RECK: variants seen among roughly 807,000 people sequenced by gnomAD.
The protein encoded by RECK is reversion inducing cysteine rich protein with kazal motifs.
RECK carries 69 observed loss-of-function variants against 115.1 expected under a neutral mutation model. That is an observed-to-expected ratio of 0.60 (90% CI 0.49 to 0.73). The LOEUF (loss-of-function observed/expected upper bound fraction) is 0.73, where lower values mean the gene tolerates loss of function less well. Ranked by LOEUF, RECK falls within the 30% of genes least tolerant of loss-of-function variation. RECK has a pLI of 0.00. For synonymous variants in RECK, 414 were observed against 419.7 expected (o/e 0.99, Z 0.17); for missense variants, 1,047 against 1,203.7 (o/e 0.87, Z 1.93).
At chr9:36,039,144 A>G (rs749541058) in intron 1 of RECK, among the ~76,000 whole-genome samples, 15 of 144,636 alleles carry the variant, frequency 1.0e-4, no homozygotes, top group Non-Finnish European at 1.8e-4. Context: ...TCATGACAAC[A>G]TATAGTTTGC....
At chr9:36,081,327 C>T (rs1822680517) in intron 7 of RECK, among the ~76,000 whole-genome samples, 2 of 152,184 alleles carry the variant, frequency 1.3e-5, no homozygotes, top group African/African-American at 2.4e-5. Flanking sequence ...TCTATCCTTT[C>T]TAACTGAGGC....
intron 16 of RECK, among the ~76,000 whole-genome samples, chr9:36,113,642 AG>A (rs1824148478): frequency 6.6e-6 from 1 of 152,234 alleles, no homozygotes; most frequent in South Asian, 2.1e-4. Context: ...TGAAAAATTC[AG>A]CTACATGAAC....
chr9:36,108,327 CTTT>C, intron 14 of RECK, among the ~76,000 whole-genome samples, 163 bp downstream of exon 14: 4 of 152,240 alleles, frequency 2.6e-5, no homozygotes, highest in Admixed American at 2.6e-4. Flanking sequence ...CTAAGGAAGT[CTTT>C]AGAAGTCCCC....
In RECK at chr9:36,105,147, A is replaced by G; in HGVS notation, c.1440A>G (p.Pro480=). 1 of 1,613,888 alleles carries G rather than the reference A, an allele frequency of 6.2e-7. No individual in the cohort carries two copies. The highest frequency in any genetic ancestry group is 8.5e-7 in the Non-Finnish European group (1 of 1,179,898). The change falls in exon 13 of 21, where the codon CCA becomes CCG. Residue 480 remains proline, a synonymous_variant. Coordinates refer to ENST00000377966, the MANE Select transcript of RECK (RefSeq NM_021111.3). ...AATCTGTTTTGGTTTTTTCAGGGCC[A>G]AGTACTTTAGGTAACATTGTAGAAG... ...NCIPLDTYLR[P]STLGNIVEEV...
At chr9:36,074,492 T>C (rs988359694) in intron 6 of RECK, among the ~76,000 whole-genome samples, 9 of 152,162 alleles carry the variant, frequency 5.9e-5, no homozygotes, top group African/African-American at 1.9e-4. Context: ...CTAGAATGTA[T>C]TGGAGCCTGG....
Position 36,091,017 on chromosome 9 carries a change from A to G in RECK, c.906-147A>G, listed in dbSNP as rs1014598920. 1.3e-5 allele frequency: 8 copies of G among 594,164 alleles called. No homozygotes were observed. In the African/African-American group the frequency reaches 1.6e-4, roughly 12 times the overall value. The allele number at this position is 594,164 out of a possible 1,614,324, so 36.8% of individuals were successfully genotyped here. A position where few individuals can be genotyped will look rare whatever the true frequency, so the allele number is the denominator to read the frequency against. ...AAAACAATCAACTTTTTCTGGCTCTAGTTTCTAGGAAATAGTCATTTGGTT... is the reference window on the plus strand; with the variant it reads ...AAAACAATCAACTTTTTCTGGCTCTGGTTTCTAGGAAATAGTCATTTGGTT... On this transcript the variant is annotated intron_variant, in intron 9 of 20. Coordinates refer to ENST00000377966, the MANE Select transcript of RECK (RefSeq NM_021111.3).
chr9:36,086,420 G>T (rs1032092461), intron 8 of RECK, among the ~76,000 whole-genome samples: 1 of 151,780 alleles, frequency 6.6e-6, no homozygotes, highest in East Asian at 1.9e-4. Context: ...CAGTGGGTTC[G>T]TGGTCTCGCT....
At chr9:36,084,449 C>A (rs1822862325) in intron 8 of RECK, among the ~76,000 whole-genome samples, 1 of 151,938 alleles carries the variant, frequency 6.6e-6, no homozygotes, top group Non-Finnish European at 1.5e-5. Flanking sequence ...AATCCCAGCA[C>A]TTTGGGAGGC....
At chr9:36,092,542 A>ATTTTTTTTT (rs71508011) in intron 10 of RECK, among the ~76,000 whole-genome samples, 133 of 117,000 alleles carry the variant, frequency 1.1e-3, no homozygotes, top group Non-Finnish European at 1.9e-3. Flanking sequence ...CACCCAGCTA[A>ATTTTTTTTT]TTTTTTTTTT....
intron 6 of RECK, among the ~76,000 whole-genome samples, chr9:36,077,967 G>A (rs1259130397): frequency 6.6e-6 from 1 of 152,080 alleles, no homozygotes; most frequent in Non-Finnish European, 1.5e-5. Context: ...CAGGTACTTG[G>A]GAGGCAGCAG....
At chr9:36,064,331 C>T (rs1821904594) in intron 5 of RECK, among the ~76,000 whole-genome samples, 4 of 152,184 alleles carry the variant, frequency 2.6e-5, no homozygotes, top group Admixed American at 2.6e-4. Context: ...GAATCTGACT[C>T]ATACACTGAG....
intron 11 of RECK, 114 bp from the exon 12 acceptor site, chr9:36,101,980 A>C: frequency 2.0e-6 from 2 of 1,003,886 alleles, no homozygotes; most frequent in South Asian, 3.4e-5. Flanking sequence ...CTCTTTTGAA[A>C]CATGTTAAGT....
intron 8 of RECK, among the ~76,000 whole-genome samples, chr9:36,087,040 T>C (rs1822991931): frequency 6.6e-6 from 1 of 152,180 alleles, no homozygotes; most frequent in Non-Finnish European, 1.5e-5. Context: ...GCTCCTCACC[T>C]TTTTGCTACA....
Position 36,036,914 on chromosome 9 carries a change from C to G in RECK, c.-85C>G. 2 of 886,764 alleles carry G rather than the reference C, an allele frequency of 2.3e-6. No homozygotes were observed. The highest frequency in any genetic ancestry group is 3.0e-6 in the Non-Finnish European group (2 of 662,282). 54.9% of individuals were successfully genotyped at this position (886,764 alleles called of 1,614,324 possible). A position where few individuals can be genotyped will look rare whatever the true frequency, so the allele number is the denominator to read the frequency against. On this transcript the variant is annotated 5_prime_UTR_variant, in exon 1 of 21. Transcript: ENST00000377966. ...GCCGGGCGCTGGGGGCGGGGCCTCG[C>G]GCGAGCGGCGGCGGTAGCGGCGGCA...
At chr9:36,107,604 CAAA>C (rs11315233) in intron 13 of RECK, among the ~76,000 whole-genome samples, 4 of 70,950 alleles carry the variant, frequency 5.6e-5, no homozygotes, top group Non-Finnish European at 6.1e-5. Flanking sequence ...GACTCCGTCT[CAAA>C]AAAAAAAAAA....
At chr9:36,100,622 A>C in intron 11 of RECK, 79 bp downstream of exon 11, 2 of 1,085,438 alleles carry the variant, frequency 1.8e-6, no homozygotes, top group Middle Eastern at 2.9e-4. Flanking sequence ...TCTCCATAGA[A>C]TTTTCTCTCT....
At chr9:36,044,349 T>A (rs1820994850) in intron 1 of RECK, among the ~76,000 whole-genome samples, 1 of 152,190 alleles carries the variant, frequency 6.6e-6, no homozygotes, top group Non-Finnish European at 1.5e-5. Context: ...TTTATTGAAT[T>A]CGTTTATCAG....
intron 1 of RECK, among the ~76,000 whole-genome samples, chr9:36,045,982 C>G (rs1029571480): frequency 6.6e-6 from 1 of 152,114 alleles, no homozygotes; most frequent in African/African-American, 2.4e-5. Flanking sequence ...ATTTTATAAT[C>G]ACAGACTATT....
Position 36,121,498 on chromosome 9 carries a change from CT to C in RECK, c.2539-28del, listed in dbSNP as rs565423537. On this transcript the variant is annotated intron_variant, in intron 19 of 20. Coordinates refer to ENST00000377966, the MANE Select transcript of RECK (RefSeq NM_021111.3). ...AGCTTAGGCAGTCATAGGAATTCTT[CT>C]TTTTTTCAGGTAATACATGTTTTCT... 2.3e-5 allele frequency: 36 copies of C among 1,597,312 alleles called. No individual in the cohort carries two copies. In the South Asian group the frequency reaches 3.9e-4, roughly 17 times the overall value.
Sources: allele counts gnomAD v4.1 joint callset (sites outside exome capture counted in the v4.1 genomes callset), GRCh38; gene constraint gnomAD v4.1.1; transcripts MANE v1.5; gene names NCBI Gene and HGNC (gene_info 2026-07-23, HGNC 2026-07-21).